IMPG2: variants seen among roughly 807,000 people sequenced by gnomAD.
The protein encoded by IMPG2 is IPM 200.
IMPG2 carries 91 observed loss-of-function variants against 129.2 expected under a neutral mutation model. That is an observed-to-expected ratio of 0.70 (90% CI 0.59 to 0.84). The LOEUF (loss-of-function observed/expected upper bound fraction) is 0.84, where lower values mean the gene tolerates loss of function less well. IMPG2 is among the 40% of genes least tolerant of loss of function. The pLI is 0.00. For missense variants in IMPG2, 1,430 were observed against 1,461.7 expected (o/e 0.98, Z 0.35); for synonymous variants, 510 against 517.7 (o/e 0.99, Z 0.20).
At chr3:101,269,019 A>G (rs1184467371) in intron 8 of IMPG2, among the ~76,000 whole-genome samples, 1 of 152,220 alleles carries the variant, frequency 6.6e-6, no homozygotes, top group Non-Finnish European at 1.5e-5. Context: ...CATTCAGTAA[A>G]TGTTCACAAG....
intron 3 of IMPG2, among the ~76,000 whole-genome samples, chr3:101,300,143 G>C (rs562253): frequency 0.72 from 108,837 of 151,808 alleles, 40,164 homozygotes; most frequent in East Asian, 0.83. Flanking sequence ...AGTGAGCAGG[G>C]ACATGTCAAG....
intron 11 of IMPG2, among the ~76,000 whole-genome samples, chr3:101,250,317 G>A (rs1299094714): frequency 6.6e-6 from 1 of 152,164 alleles, no homozygotes; most frequent in African/African-American, 2.4e-5. Flanking sequence ...TTAAAGTCCA[G>A]AAAGTGAAAG....
At chr3:101,316,898 C>G (rs148454476) in intron 2 of IMPG2, among the ~76,000 whole-genome samples, 61 of 152,084 alleles carry the variant, frequency 4.0e-4, no homozygotes, top group Non-Finnish European at 6.6e-4. Flanking sequence ...AGCTAACAAA[C>G]TATTGATACA....
At chr3:101,230,362 GA>G (rs1317025326) in intron 16 of IMPG2, among the ~76,000 whole-genome samples, 1 of 152,186 alleles carries the variant, frequency 6.6e-6, no homozygotes, top group East Asian at 1.9e-4. Context: ...ACTAAACAGA[GA>G]ATGAGATTTC....
At chr3:101,280,274 A>T (rs1706878716) in intron 4 of IMPG2, among the ~76,000 whole-genome samples, 1 of 152,228 alleles carries the variant, frequency 6.6e-6, no homozygotes, top group African/African-American at 2.4e-5. Flanking sequence ...AGCCAAGCAC[A>T]GGTTCATATG....
At chr3:101,317,134 G>A (rs2058789321) in intron 2 of IMPG2, among the ~76,000 whole-genome samples, 1 of 152,140 alleles carries the variant, frequency 6.6e-6, no homozygotes, top group East Asian at 1.9e-4. Flanking sequence ...GTTTAAGAGT[G>A]ATTGATAGGT....
chr3:101,251,055 T>A (rs186011133), intron 11 of IMPG2, among the ~76,000 whole-genome samples: 1 of 152,200 alleles, frequency 6.6e-6, no homozygotes, highest in African/African-American at 2.4e-5. Flanking sequence ...GCTACTCATA[T>A]ATTCTTGCAA....
At chr3:101,296,381 T>C (rs1707080305) in intron 3 of IMPG2, among the ~76,000 whole-genome samples, 1 of 152,234 alleles carries the variant, frequency 6.6e-6, no homozygotes, top group Non-Finnish European at 1.5e-5. Flanking sequence ...GATTTGCCTA[T>C]GTTAAAGCAG....
intron 4 of IMPG2, among the ~76,000 whole-genome samples, chr3:101,290,274 A>T (rs1008253786): frequency 6.6e-6 from 1 of 152,158 alleles, no homozygotes; most frequent in East Asian, 1.9e-4. Context: ...TGGGAGGCTG[A>T]GGCGGGCCAA....
chr3:101,301,770 A>G (rs1311753584), intron 3 of IMPG2, among the ~76,000 whole-genome samples: 1 of 152,134 alleles, frequency 6.6e-6, no homozygotes, highest in Admixed American at 6.5e-5. Flanking sequence ...TGGTATCTTT[A>G]TCCTCTTTGG....
intron 14 of IMPG2, among the ~76,000 whole-genome samples, chr3:101,235,014 A>C (rs1039753849): frequency 1.3e-5 from 2 of 152,122 alleles, no homozygotes; most frequent in South Asian, 4.1e-4. Context: ...TACACAAAAA[A>C]CTCATTTATG....
chr3:101,314,429 C>T (rs1364959039), intron 2 of IMPG2, among the ~76,000 whole-genome samples: 1 of 152,088 alleles, frequency 6.6e-6, no homozygotes, highest in Non-Finnish European at 1.5e-5. Context: ...GATGGCTTCA[C>T]TCCCTAGGAC....
intron 14 of IMPG2, among the ~76,000 whole-genome samples, chr3:101,242,213 T>C (rs1706416578): frequency 6.6e-6 from 1 of 152,128 alleles, no homozygotes; most frequent in Non-Finnish European, 1.5e-5. Context: ...ACAGAATACA[T>C]TCAAGTGGAG....
chr3:101,277,164 G>T (rs1487850768), intron 4 of IMPG2, among the ~76,000 whole-genome samples: 1 of 152,162 alleles, frequency 6.6e-6, no homozygotes, highest in Non-Finnish European at 1.5e-5. Context: ...CTTAATAGCT[G>T]CATGTGGTTA....
chr3:101,240,060 A>T (rs769317136), intron 14 of IMPG2, among the ~76,000 whole-genome samples: 7 of 152,012 alleles, frequency 4.6e-5, no homozygotes, highest in Middle Eastern at 3.4e-3. Flanking sequence ...CAGGACTTGA[A>T]GTATAATAAA....
chr3:101,282,593 A>T (rs1463860446), intron 4 of IMPG2, among the ~76,000 whole-genome samples: 2 of 152,192 alleles, frequency 1.3e-5, no homozygotes, highest in East Asian at 3.8e-4. Context: ...TTATTTGTAA[A>T]TTTGTTTCAA....
chr3:101,295,215 T>G (rs1576766897), intron 3 of IMPG2, among the ~76,000 whole-genome samples: 1 of 152,154 alleles, frequency 6.6e-6, no homozygotes, highest in Non-Finnish European at 1.5e-5. Flanking sequence ...GATTTTGGGT[T>G]TTACATTTAA....
At chr3:101,283,139 T>C (rs1219801472) in intron 4 of IMPG2, among the ~76,000 whole-genome samples, 1 of 152,044 alleles carries the variant, frequency 6.6e-6, no homozygotes, top group African/African-American at 2.4e-5. Context: ...TCTCCTGCCT[T>C]AGCCTCCCGA....
At chr3:101,313,920 C>T (rs2058769777) in intron 2 of IMPG2, among the ~76,000 whole-genome samples, 1 of 151,988 alleles carries the variant, frequency 6.6e-6, no homozygotes, top group East Asian at 1.9e-4. Flanking sequence ...ATACAAAAAT[C>T]AGTTGTATTT....
Sources: gnomAD v4.1 joint callset for allele counts (sites outside exome capture counted in the v4.1 genomes callset) on GRCh38, gnomAD v4.1.1 for gene constraint, MANE v1.5 for transcripts, NCBI Gene and HGNC (gene_info 2026-07-23, HGNC 2026-07-21) for gene names.